Variants in PLOD2 observed in about 807,000 individuals in gnomAD.
The protein encoded by PLOD2 is procollagen-lysine,2-oxoglutarate 5-dioxygenase 2, also known as lysine hydroxylase 2.
Under a neutral mutation model 101.0 loss-of-function variants are expected in PLOD2, and 65 were observed. The observed-to-expected ratio is 0.64, with a 90% CI of 0.53 to 0.79. PLOD2 has a LOEUF of 0.79. PLOD2 is among the 30% of genes least tolerant of loss of function. The probability of loss-of-function intolerance (pLI) is 0.00; values close to 1 mark genes in which losing one functional copy is unlikely to be tolerated. For missense variants in PLOD2, 909 were observed against 914.6 expected (o/e 0.99, Z 0.08); for synonymous variants, 314 against 302.9 (o/e 1.04, Z -0.38).
intron 1 of PLOD2, among the ~76,000 whole-genome samples, chr3:146,135,259 T>A (rs2031165496): frequency 6.6e-6 from 1 of 152,196 alleles, no homozygotes; most frequent in Admixed American, 6.5e-5. Flanking sequence ...TTCTCCACAT[T>A]GTTCTACGAG....
intron 3 of PLOD2, among the ~76,000 whole-genome samples, chr3:146,116,040 T>C (rs1937890696): frequency 6.6e-6 from 1 of 152,166 alleles, no homozygotes; most frequent in Non-Finnish European, 1.5e-5. Context: ...TTAGCCCCAA[T>C]CCTTTATCAT....
chr3:146,134,772 C>T (rs1411566451), intron 1 of PLOD2, among the ~76,000 whole-genome samples: 1 of 152,166 alleles, frequency 6.6e-6, no homozygotes, highest in South Asian at 2.1e-4. Context: ...AGGAGAGTTG[C>T]CCTGGAGCAG....
intron 14 of PLOD2, chr3:146,077,224 A>G: frequency 1.0e-6 from 1 of 990,066 alleles, no homozygotes; most frequent in African/African-American, 1.7e-5. Flanking sequence ...TTTGAGACAC[A>G]GTGCAATGAA....
chr3:146,122,596 C>G (rs1301531789), intron 2 of PLOD2, among the ~76,000 whole-genome samples: 1 of 152,058 alleles, frequency 6.6e-6, no homozygotes, highest in Admixed American at 6.6e-5. Context: ...TCTTTCTTAT[C>G]AGTAGCCAGG....
intron 1 of PLOD2, among the ~76,000 whole-genome samples, chr3:146,157,334 G>C (rs1358263707): frequency 6.6e-6 from 1 of 152,090 alleles, no homozygotes; most frequent in Non-Finnish European, 1.5e-5. Flanking sequence ...AGGACCTATA[G>C]TACAAAGTAA....
intron 3 of PLOD2, among the ~76,000 whole-genome samples, chr3:146,113,511 T>G (rs958608868): frequency 2.8e-4 from 43 of 152,182 alleles, no homozygotes; most frequent in Non-Finnish European, 5.1e-4. Context: ...TCATGGACAT[T>G]TATTAGTTCC....
intron 1 of PLOD2, among the ~76,000 whole-genome samples, chr3:146,126,828 TA>T (rs1559863087): frequency 7.2e-6 from 1 of 138,800 alleles, no homozygotes; most frequent in Non-Finnish European, 1.6e-5. Context: ...TACTTTTTTT[TA>T]AAAAAGAGTC....
At position 146,072,574 on chromosome 3, in the gene PLOD2, C is replaced by G; in HGVS notation, c.1835G>C (p.Gly612Ala). The G allele has an allele frequency of 6.2e-7, 1 of 1,603,424 alleles. No individual in the cohort carries two copies. Among genetic ancestry groups the G allele is most frequent in the Non-Finnish European group, 8.5e-7 (1 of 1,171,046 alleles). The part of the protein sequence containing the change: ...EEMEHYGKWS[G>A]GKHHDSRISG... Reference sequence around the variant, plus strand: ...ATTACAACTTACATGATGTTTTCCCCCAGACCATTTGCCGTAATGTTCCAT... The same window carrying G: ...ATTACAACTTACATGATGTTTTCCCGCAGACCATTTGCCGTAATGTTCCAT... Residue 612 changes from glycine to alanine, a missense_variant, in exon 17 of 20, where the codon GGG (glycine) becomes GCG (alanine). Coordinates refer to ENST00000282903, the MANE Select transcript of PLOD2 (RefSeq NM_182943.3).
At chr3:146,147,612 A>T (rs2031845844) in intron 1 of PLOD2, among the ~76,000 whole-genome samples, 1 of 152,154 alleles carries the variant, frequency 6.6e-6, no homozygotes, top group Non-Finnish European at 1.5e-5. Context: ...GACAGGATGC[A>T]AGTAGCACCC....
At chr3:146,134,979 G>A (rs1038411848) in intron 1 of PLOD2, among the ~76,000 whole-genome samples, 8 of 152,124 alleles carry the variant, frequency 5.3e-5, no homozygotes, top group African/African-American at 1.9e-4. Flanking sequence ...GATAAAGCGT[G>A]GTGTGACTGA....
chr3:146,118,845 T>C (rs1028663312), intron 3 of PLOD2, among the ~76,000 whole-genome samples: 3 of 152,178 alleles, frequency 2.0e-5, no homozygotes, highest in Non-Finnish European at 4.4e-5. Context: ...TTAACCAGAA[T>C]CCATTAAGTT....
At chr3:146,151,220 A>AG in intron 1 of PLOD2, among the ~76,000 whole-genome samples, 1 of 152,306 alleles carries the variant, frequency 6.6e-6, no homozygotes, top group South Asian at 2.1e-4. Flanking sequence ...GACATTGGCC[A>AG]AGCACGGTGG....
At chr3:146,140,514 A>G (rs1213991712) in intron 1 of PLOD2, among the ~76,000 whole-genome samples, 6 of 152,110 alleles carry the variant, frequency 3.9e-5, no homozygotes, top group Admixed American at 3.3e-4. Context: ...AATTTCATAA[A>G]CTAGTATATA....
intron 15 of PLOD2, among the ~76,000 whole-genome samples, chr3:146,074,668 A>AT (rs1936269038): frequency 1.3e-5 from 2 of 150,880 alleles, no homozygotes; most frequent in South Asian, 4.2e-4. Context: ...TACCTATAGC[A>AT]TTTTTCCTGT....
intron 1 of PLOD2, among the ~76,000 whole-genome samples, chr3:146,131,220 T>C (rs1427577081): frequency 6.6e-6 from 1 of 152,236 alleles, no homozygotes; most frequent in African/African-American, 2.4e-5. Context: ...AGCTTATTCC[T>C]GGTTTCCCTG....
At chr3:146,099,358 T>C (rs1419000002) in intron 7 of PLOD2, among the ~76,000 whole-genome samples, 1 of 152,126 alleles carries the variant, frequency 6.6e-6, no homozygotes, top group Non-Finnish European at 1.5e-5. Flanking sequence ...TAAGGCCTTA[T>C]CCATAATCAC....
At chr3:146,112,431 A>T (rs1937681618) in intron 3 of PLOD2, among the ~76,000 whole-genome samples, 1 of 152,064 alleles carries the variant, frequency 6.6e-6, no homozygotes, top group Non-Finnish European at 1.5e-5. Context: ...TCTCACTCAT[A>T]AGTGGGAGCT....
At position 146,119,939 on chromosome 3, in the gene PLOD2, A is replaced by G. The variant is rs536763122; in HGVS notation, c.338+1173T>C. On this transcript the variant is annotated intron_variant, in intron 3 of 19. Transcript: ENST00000282903. ...TGTCTTTATAGCAGCATGATTTATA[A>G]TCCTTTGGGTATATACCCAGTAATG... is the stretch of plus-strand genomic sequence containing the variant. Among the ~76,000 whole-genome samples the G allele has an allele frequency of 1.4e-3, 220 of 152,170 alleles. 1 individual carries two copies. The highest frequency in any genetic ancestry group is 2.6e-3 in the Non-Finnish European group (178 of 67,992).
At chr3:146,074,991 CAATTCAGGATAT>C (rs1047715071) in intron 15 of PLOD2, among the ~76,000 whole-genome samples, 3 of 151,506 alleles carry the variant, frequency 2.0e-5, no homozygotes, top group African/African-American at 7.3e-5. Context: ...CAAATATCTA[CAATTCAGGATAT>C]AATTCAGGAT....
Sources: allele counts gnomAD v4.1 joint callset (sites outside exome capture counted in the v4.1 genomes callset), GRCh38; gene constraint gnomAD v4.1.1; transcripts MANE v1.5; gene names NCBI Gene and HGNC (gene_info 2026-07-23, HGNC 2026-07-21).